TBX5: variants seen among roughly 807,000 people sequenced by gnomAD.
TBX5 encodes T-box transcription factor 5.
A neutral mutation model predicts 51.1 loss-of-function variants in TBX5; 8 were observed. That is an observed-to-expected ratio of 0.16 (90% CI 0.09 to 0.28). The LOEUF (loss-of-function observed/expected upper bound fraction) is 0.28. TBX5 is among the 10% of genes least tolerant of loss of function. TBX5 has a pLI of 1.00. For missense variants in TBX5, 589 were observed against 671.7 expected (o/e 0.88, Z 1.36); for synonymous variants, 302 against 266.4 (o/e 1.13, Z -1.30).
chr12:114,369,795 A>G (rs936843757), intron 7 of TBX5, among the ~76,000 whole-genome samples: 1 of 152,106 alleles, frequency 6.6e-6, no homozygotes, highest in Non-Finnish European at 1.5e-5. Flanking sequence ...CAGCAAAAGG[A>G]GCCTGCTCTT....
At chr12:114,359,812 C>T (rs905218828) in intron 8 of TBX5, among the ~76,000 whole-genome samples, 5 of 152,146 alleles carry the variant, frequency 3.3e-5, no homozygotes, top group Admixed American at 6.5e-5. Context: ...GAGATAATAC[C>T]TGAACTTTTT....
intron 3 of TBX5, 32 bp downstream of exon 3, chr12:114,401,794 C>G: frequency 1.9e-6 from 3 of 1,605,058 alleles, no homozygotes; most frequent in Non-Finnish European, 2.6e-6. Context: ...AATTTCTCCT[C>G]GTCCCTCTCT....
chr12:114,407,209 G>A (rs187580630), upstream of TBX5: 419 of 660,134 alleles, frequency 6.3e-4, 9 homozygotes, highest in Non-Finnish European at 5.4e-5. Context: ...GGGGCAACCG[G>A]GGAGAAAGCC....
intron 2 of TBX5, among the ~76,000 whole-genome samples, chr12:114,402,153 A>G (rs1401032084): frequency 6.6e-6 from 1 of 152,230 alleles, no homozygotes; most frequent in Non-Finnish European, 1.5e-5. Flanking sequence ...ACTTGAACCC[A>G]CAGTGCTGTA....
chr12:114,407,332 C>T (rs1872293942), upstream of TBX5, among the ~76,000 whole-genome samples: 1 of 152,210 alleles, frequency 6.6e-6, no homozygotes, highest in Non-Finnish European at 1.5e-5. Context: ...CCCTCCAAGT[C>T]AGCTTGGAGG....
chr12:114,355,803 T>G lies in TBX5; in HGVS notation c.1286A>C (p.His429Pro), dbSNP rs1219817213. The G allele has an allele frequency of 6.2e-7, 1 of 1,613,970 alleles. No homozygotes were observed. Among genetic ancestry groups the G allele is most frequent in the African/African-American group, 1.3e-5 (1 of 74,934 alleles). ...DRLPYQHFSA[H>P]FTSGPLVPRL... ...AGGGACCAGGGGCCCCGAGGTGAAG[T>G]GAGCGGAGAAGTGCTGGTAGGGTAG... Residue 429 changes from histidine to proline, a missense_variant, in exon 9 of 9, where the codon CAC becomes CCC. Physicochemically the swap from His to Pro is moderately conservative, Grantham distance 77. Coordinates refer to ENST00000405440, the MANE Select transcript of TBX5 (RefSeq NM_181486.4).
chr12:114,402,809 C>T lies in TBX5; in HGVS notation c.148-889G>A, dbSNP rs1871910669. ...AGTCTAAAAAGTGGGTTTGCTTTTC[C>T]TTAAAAGAAAAAAAAAAATCCCTAA... On this transcript the variant is annotated intron_variant, in intron 2 of 8. Coordinates refer to ENST00000405440, the MANE Select transcript of TBX5 (RefSeq NM_181486.4). Among the ~76,000 whole-genome samples the T allele has an allele frequency of 4.6e-5, 5 of 108,820 alleles. No homozygotes were observed. In the South Asian group the frequency reaches 1.4e-3, roughly 31 times the overall value. The allele number at this position is 108,820 out of a possible 152,430, so 71.4% of individuals were successfully genotyped here. A position where few individuals can be genotyped will look rare whatever the true frequency, so the allele number is the denominator to read the frequency against.
rs139154253 is a variant in TBX5, at chr12:114,366,113, G to A, written c.982+52C>T. ...CTCACCCCCTCACCCCCAACCCAAG[G>A]AAAGGAAAAGGTAAGAAAGAAAGCA... is the stretch of plus-strand genomic sequence containing the variant. On this transcript the variant is annotated intron_variant, in intron 8 of 8. Transcript: ENST00000405440. The A allele has an allele frequency of 3.9e-5, 62 of 1,588,394 alleles. No homozygotes were observed. In the East Asian group the frequency reaches 1.3e-3, roughly 33 times the overall value.
intron 3 of TBX5, among the ~76,000 whole-genome samples, chr12:114,400,506 C>G (rs968327694): frequency 3.3e-5 from 5 of 152,262 alleles, no homozygotes; most frequent in African/African-American, 1.2e-4. Flanking sequence ...TCAAGGCTGG[C>G]CCGGGGCGAA....
Position 114,393,043 on chromosome 12 carries a change from C to T in TBX5, c.663+1698G>A, listed in dbSNP as rs565408471. 5.9e-5 allele frequency among the ~76,000 whole-genome samples: 9 copies of T among 152,306 alleles called. No homozygotes were observed. The South Asian group carries it at 1.9e-3, about 32-fold the overall frequency. On this transcript the variant is annotated intron_variant, in intron 6 of 8. Coordinates refer to ENST00000405440, the MANE Select transcript of TBX5 (RefSeq NM_181486.4). Reference sequence around the variant, plus strand: ...TGTCTATCACAGCTTGGCCTGTTCACAGACAATCTGGATTTGGAGATTAGC... The same window carrying T: ...TGTCTATCACAGCTTGGCCTGTTCATAGACAATCTGGATTTGGAGATTAGC...
chr12:114,398,742 T>C, intron 4 of TBX5, 22 bp from the exon 5 acceptor site: 1 of 1,589,574 alleles, frequency 6.3e-7, no homozygotes, highest in Non-Finnish European at 8.6e-7. Flanking sequence ...AGAGGTGTAC[T>C]AGAGGCCTGG....
At chr12:114,373,314 A>G (rs1870017989) in intron 7 of TBX5, among the ~76,000 whole-genome samples, 1 of 152,224 alleles carries the variant, frequency 6.6e-6, no homozygotes, top group South Asian at 2.1e-4. Context: ...CCCTGTTTGC[A>G]TAACGGAGAA....
Position 114,390,956 on chromosome 12 carries a change from C to T in TBX5, c.663+3785G>A, listed in dbSNP as rs186929246. On this transcript the variant is annotated intron_variant, in intron 6 of 8. Transcript: ENST00000405440. Reference sequence around the variant, plus strand: ...GGGGAAATAAGTCCCAAATCCAGCCCGAGATCACAGCTGGGCTGAGGAAAT... The same window carrying T: ...GGGGAAATAAGTCCCAAATCCAGCCTGAGATCACAGCTGGGCTGAGGAAAT... 6.6e-5 allele frequency among the ~76,000 whole-genome samples: 10 copies of T among 152,202 alleles called. 1 individual carries two copies. The highest frequency in any genetic ancestry group is 7.4e-5 in the Non-Finnish European group (5 of 67,994).
At chr12:114,357,262 T>A (rs1432351348) in intron 8 of TBX5, among the ~76,000 whole-genome samples, 1 of 152,192 alleles carries the variant, frequency 6.6e-6, no homozygotes, top group Admixed American at 6.5e-5. Flanking sequence ...CTTTCACCAC[T>A]TCGGGGCCAC....
At position 114,406,002 on chromosome 12, in the gene TBX5, C is replaced by A. The variant is rs1872193227; in HGVS notation, c.-413G>T. On this transcript the variant is annotated 5_prime_UTR_variant, in exon 1 of 9. Coordinates refer to ENST00000405440, the MANE Select transcript of TBX5 (RefSeq NM_181486.4). ...GTGAATGGTCGAAGTCCTTTCTGAG[C>A]GCAGCTTTCAGGATTAAAGTTCCCG... The A allele has an allele frequency of 1.0e-6, 1 of 985,384 alleles. No individual in the cohort carries two copies. Among genetic ancestry groups the A allele is most frequent in the Non-Finnish European group, 1.2e-6 (1 of 829,958 alleles). 61.0% of individuals were successfully genotyped at this position (985,384 alleles called of 1,614,324 possible).
Position 114,355,843 on chromosome 12 carries a change from G to T in TBX5, c.1246C>A (p.Gln416Lys). Reference sequence around the variant, plus strand: ...TGGTAGGGTAGCCTGTCCATGGGCTGCACGGTGGTGACGGTGCAGCTGCTG... The same window carrying T: ...TGGTAGGGTAGCCTGTCCATGGGCTTCACGGTGGTGACGGTGCAGCTGCTG... ...SYSSCTVTTV[Q>K]PMDRLPYQHF... The change falls in exon 9 of 9, where the codon CAG becomes AAG. Residue 416 changes from glutamine (Q) to lysine (K), a missense_variant. This residue lies in a region of TBX5 where 348 missense variants were observed against 360.4 expected (regional missense o/e 0.97). Transcript: ENST00000405440. The T allele has an allele frequency of 6.2e-7, 1 of 1,613,920 alleles. No individual in the cohort carries two copies.
chr12:114,387,664 T>A (rs984599180), intron 6 of TBX5, among the ~76,000 whole-genome samples: 1 of 152,208 alleles, frequency 6.6e-6, no homozygotes, highest in African/African-American at 2.4e-5. Context: ...CTATGGACTC[T>A]GGGTGATGAT....
Position 114,390,136 on chromosome 12 carries a change from G to A in TBX5, c.664-4569C>T, listed in dbSNP as rs927119513. Among the ~76,000 whole-genome samples the A allele has an allele frequency of 1.2e-4, 19 of 152,224 alleles. No homozygotes were observed. In the Middle Eastern group the frequency reaches 0.01, roughly 82 times the overall value. ...CACAATTTCTTATATATTCACTTAG[G>A]TATGTTGATCTTTACACGTAACTTC... On this transcript the variant is annotated intron_variant, in intron 6 of 8. Coordinates refer to ENST00000405440, the MANE Select transcript of TBX5 (RefSeq NM_181486.4).
chr12:114,407,704 C>A, upstream of TBX5: 1 of 920,394 alleles, frequency 1.1e-6, no homozygotes, highest in Non-Finnish European at 1.3e-6. Context: ...TGAGAAGTAG[C>A]AGCACAGCAA....
Sources: gnomAD v4.1 joint callset for allele counts (sites outside exome capture counted in the v4.1 genomes callset) on GRCh38, gnomAD v4.1.1 for gene constraint, gnomAD v4.1.1 regional missense constraint, MANE v1.5 for transcripts, NCBI Gene and HGNC (gene_info 2026-07-23, HGNC 2026-07-21) for gene names.